The following MEIS2 variants were observed in gnomAD, a reference collection of about 807,000 sequenced individuals.
MEIS2 encodes Meis homeobox 2.
MEIS2 carries 9 observed loss-of-function variants against 58.6 expected under a neutral mutation model. The observed-to-expected ratio is 0.15, with a 90% CI of 0.09 to 0.27. The LOEUF (loss-of-function observed/expected upper bound fraction) is 0.27. Ranked by LOEUF, MEIS2 falls within the 10% of genes least tolerant of loss-of-function variation. The pLI, the probability that MEIS2 is intolerant of heterozygous loss-of-function variation, is 1.00. For missense variants in MEIS2, 427 were observed against 635.0 expected, an observed-to-expected ratio of 0.67 and a Z score of 3.52; for synonymous variants, 221 against 228.4, an observed-to-expected ratio of 0.97 and a Z score of 0.29.
At chr15:36,957,830 G>A (rs976716093) in intron 8 of MEIS2, among the ~76,000 whole-genome samples, 3 of 152,182 alleles carry the variant, frequency 2.0e-5, no homozygotes, top group Non-Finnish European at 4.4e-5. Context: ...GACTGGCTGT[G>A]CCACAGATAA....
intron 7 of MEIS2, among the ~76,000 whole-genome samples, chr15:37,072,231 C>T (rs1386579958): frequency 6.6e-6 from 1 of 152,080 alleles, no homozygotes; most frequent in Non-Finnish European, 1.5e-5. Flanking sequence ...GCTTAAACTT[C>T]TTTAAAATGA....
At chr15:36,959,567 A>G (rs1470545227) in intron 8 of MEIS2, among the ~76,000 whole-genome samples, 1 of 152,236 alleles carries the variant, frequency 6.6e-6, no homozygotes. Flanking sequence ...AAGGGAAGTT[A>G]GTGGAGGTAA....
rs990920695 is a variant in MEIS2, at chr15:36,891,945, G to A, written c.*228C>T. On this transcript the variant is annotated 3_prime_UTR_variant, in exon 12 of 12. Transcript: ENST00000561208. ...TACTACAGTAGTTATAACTCTCGGA[G>A]TCTTTTTCCAGAGGATCTTTACATG... 2 of 586,264 alleles carry A rather than the reference G, an allele frequency of 3.4e-6. No homozygotes were observed. Among genetic ancestry groups the A allele is most frequent in the South Asian group, 4.2e-5 (2 of 47,184 alleles). 36.3% of individuals were successfully genotyped at this position (586,264 alleles called of 1,614,324 possible). A position where few individuals can be genotyped will look rare whatever the true frequency, so the allele number is the denominator to read the frequency against.
intron 7 of MEIS2, among the ~76,000 whole-genome samples, chr15:37,066,922 G>A (rs1399754104): frequency 6.6e-6 from 1 of 151,828 alleles, no homozygotes; most frequent in Non-Finnish European, 1.5e-5. Context: ...GGGACTATAG[G>A]TGCATGCCAT....
chr15:37,068,291 T>C (rs1439600880), intron 7 of MEIS2, among the ~76,000 whole-genome samples: 3 of 152,168 alleles, frequency 2.0e-5, no homozygotes, highest in Non-Finnish European at 4.4e-5. Context: ...GTTGGAGGAA[T>C]CTCAAGCCAT....
intron 8 of MEIS2, among the ~76,000 whole-genome samples, chr15:36,991,783 C>CTTTTTTTTTTTTTTT (rs11285545): frequency 4.9e-4 from 25 of 51,034 alleles, no homozygotes; most frequent in African/African-American, 7.6e-4. Flanking sequence ...TTTTTTTTTT[C>CTTTTTTTTTTTTTTT]TTTTTTTTTT....
intron 9 of MEIS2, among the ~76,000 whole-genome samples, chr15:36,917,665 T>G (rs1478059947): frequency 3.3e-5 from 5 of 152,212 alleles, no homozygotes; most frequent in African/African-American, 1.2e-4. Flanking sequence ...TCTCCAATCA[T>G]ACTCTAGGGA....
intron 8 of MEIS2, among the ~76,000 whole-genome samples, chr15:36,974,392 A>G (rs1174982661): frequency 1.3e-5 from 2 of 152,200 alleles, no homozygotes; most frequent in Non-Finnish European, 2.9e-5. Context: ...CACACTCCAA[A>G]AATCAAATTG....
intron 9 of MEIS2, among the ~76,000 whole-genome samples, chr15:36,902,532 A>G (rs1396973891): frequency 1.3e-5 from 2 of 152,224 alleles, no homozygotes; most frequent in Non-Finnish European, 2.9e-5. Flanking sequence ...TGAGCTTGTT[A>G]GAGATGCAGA....
At chr15:36,900,694 T>C (rs763247290) in intron 9 of MEIS2, among the ~76,000 whole-genome samples, 3 of 152,226 alleles carry the variant, frequency 2.0e-5, no homozygotes, top group Non-Finnish European at 4.4e-5. Flanking sequence ...AGACCTCTCC[T>C]GTCCTCAGAA....
intron 7 of MEIS2, among the ~76,000 whole-genome samples, chr15:37,065,914 C>T (rs1352981186): frequency 2.6e-5 from 4 of 152,212 alleles, no homozygotes; most frequent in Non-Finnish European, 5.9e-5. Context: ...AGAGCAAATG[C>T]TAAAACACAA....
At chr15:37,083,169 T>C (rs1277785259) in intron 7 of MEIS2, among the ~76,000 whole-genome samples, 2 of 152,160 alleles carry the variant, frequency 1.3e-5, no homozygotes, top group Admixed American at 6.5e-5. Flanking sequence ...ACATCTGCAG[T>C]TGATGTCCCC....
At chr15:37,097,926 ACACT>A in intron 2 of MEIS2, 37 bp downstream of exon 2, 1 of 1,544,706 alleles carries the variant, frequency 6.5e-7, no homozygotes. Context: ...ACACACTCTC[ACACT>A]CACACACAGT....
intron 8 of MEIS2, among the ~76,000 whole-genome samples, chr15:36,956,887 T>TAA (rs61478606): frequency 0.25 from 27,712 of 111,616 alleles, 4,028 homozygotes; most frequent in Non-Finnish European, 0.35. Context: ...AAATGATTGT[T>TAA]AAAAAAAAAA....
intron 9 of MEIS2, among the ~76,000 whole-genome samples, chr15:36,899,363 C>T (rs1040961686): frequency 1.3e-4 from 19 of 151,956 alleles, no homozygotes; most frequent in Admixed American, 1.1e-3. Flanking sequence ...ATGAAATTAC[C>T]GCCTCCTACC....
chr15:37,050,033 T>C (rs1009983175), intron 7 of MEIS2, among the ~76,000 whole-genome samples: 8 of 152,184 alleles, frequency 5.3e-5, no homozygotes, highest in African/African-American at 1.9e-4. Context: ...TTATAGAATA[T>C]ATTACAAAGA....
chr15:37,031,090 T>G (rs1006134669), intron 8 of MEIS2, among the ~76,000 whole-genome samples: 2 of 152,256 alleles, frequency 1.3e-5, no homozygotes, highest in Admixed American at 6.5e-5. Flanking sequence ...ACTTTATATA[T>G]GTACTTATTA....
At chr15:36,908,741 C>T (rs1402766833) in intron 9 of MEIS2, among the ~76,000 whole-genome samples, 1 of 152,018 alleles carries the variant, frequency 6.6e-6, no homozygotes, top group Non-Finnish European at 1.5e-5. Flanking sequence ...GGATCACCAG[C>T]CTGACCAACG....
At chr15:36,922,606 ACTTT>A (rs1392110244) in intron 9 of MEIS2, among the ~76,000 whole-genome samples, 1 of 143,110 alleles carries the variant, frequency 7.0e-6, no homozygotes, top group Non-Finnish European at 1.5e-5. Flanking sequence ...AACCTCAGTA[ACTTT>A]CTTTCTTTCT....
Sources: gnomAD v4.1 joint callset for allele counts (sites outside exome capture counted in the v4.1 genomes callset) on GRCh38, gnomAD v4.1.1 for gene constraint, MANE v1.5 for transcripts, NCBI Gene and HGNC (gene_info 2026-07-23, HGNC 2026-07-21) for gene names.